MYH10: variants seen among roughly 807,000 people sequenced by gnomAD.
The protein encoded by MYH10 is myosin heavy chain 10.
Under a neutral mutation model 257.8 loss-of-function variants are expected in MYH10, and 55 were observed. The ratio of observed to expected loss-of-function variants is 0.21; its 90% confidence interval spans 0.17 to 0.27. The LOEUF (loss-of-function observed/expected upper bound fraction) is 0.27, where lower values mean the gene tolerates loss of function less well. Among genes scored for constraint, MYH10 ranks in the 10% least tolerant of loss-of-function variants. MYH10 has a pLI of 1.00. For missense variants in MYH10, 1,631 were observed against 2,500.6 expected (o/e 0.65, Z 7.42); for synonymous variants, 854 against 921.7 (o/e 0.93, Z 1.33).
At chr17:8,616,392 T>C (rs780116517) in intron 2 of MYH10, among the ~76,000 whole-genome samples, 12 of 152,018 alleles carry the variant, frequency 7.9e-5, no homozygotes, top group Admixed American at 2.0e-4. Flanking sequence ...TAATAACCAA[T>C]AAGTAAACTT....
chr17:8,488,818 C>G (rs1026359166), intron 35 of MYH10, among the ~76,000 whole-genome samples: 2 of 152,110 alleles, frequency 1.3e-5, no homozygotes, highest in African/African-American at 4.8e-5. Flanking sequence ...CTGCAGAGAC[C>G]TGGGGCTGTA....
At chr17:8,476,745 G>A in intron 42 of MYH10, 131 bp downstream of exon 42, 1 of 1,030,196 alleles carries the variant, frequency 9.7e-7, no homozygotes, top group Non-Finnish European at 1.4e-6. Context: ...AATCTTAAAT[G>A]AAGTGGTTCG....
intron 14 of MYH10, among the ~76,000 whole-genome samples, chr17:8,538,440 C>T (rs2082204508): frequency 6.6e-6 from 1 of 152,200 alleles, no homozygotes; most frequent in Admixed American, 6.5e-5. Context: ...GAACTCCTGA[C>T]CTCAAGTGAT....
Position 8,500,830 on chromosome 17 carries a change from T to C in MYH10, c.3740A>G (p.Lys1247Arg), listed in dbSNP as rs1475887003. Residue 1247 changes from lysine (K) to arginine (R), a missense_variant, in exon 29 of 43, where the codon AAG (lysine) becomes AGG (arginine). By Grantham distance (26) the Lys-to-Arg change is conservative. Around this residue, in one of 11 missense-constraint regions of MYH10, gnomAD observed 463 missense variants for 621.8 expected, o/e 0.74. Transcript: ENST00000360416. ...ACACGGCAGGGCCTCCCTTACCCGC[T>C]TGGCCTGTTCCAGCTGCTCTGAGAG... The part of the protein sequence containing the change: ...EELSEQLEQA[K>R]RFKANLEKNK... 7.4e-6 allele frequency: 12 copies of C among 1,612,762 alleles called. No homozygotes were observed. The highest frequency in any genetic ancestry group is 1.7e-5 in the Admixed American group (1 of 59,918).
At chr17:8,534,316 C>T (rs558443342) in intron 16 of MYH10, among the ~76,000 whole-genome samples, 34 of 152,314 alleles carry the variant, frequency 2.2e-4, no homozygotes, top group Middle Eastern at 3.4e-3. Flanking sequence ...AGGTCCCTCC[C>T]CTCTTTGCTA....
intron 40 of MYH10, among the ~76,000 whole-genome samples, chr17:8,478,845 C>T (rs1334950481): frequency 1.3e-5 from 2 of 152,170 alleles, no homozygotes; most frequent in Admixed American, 1.3e-4. Flanking sequence ...ATTCTCCTGC[C>T]TCAGCCTCCT....
intron 17 of MYH10, among the ~76,000 whole-genome samples, chr17:8,525,136 T>C (rs1267392922): frequency 2.0e-5 from 3 of 152,264 alleles, no homozygotes; most frequent in African/African-American, 7.2e-5. Flanking sequence ...TCTCTCTGCC[T>C]GGAATGCCCA....
rs1912894171 is a variant in MYH10 at position 8,477,619 on chromosome 17, C to G, written c.5707-571G>C. On this transcript the variant is annotated intron_variant, in intron 41 of 42. Transcript: ENST00000360416. This position sits in a 1 kb window ranked among gnomAD's most constrained non-coding sequence, Gnocchi z 4.2. ...CCAGCGCACACCACCCTCAACTGTG[C>G]TCCGTGTTGCTAGGCCCCAAGGGTG... is the stretch of plus-strand genomic sequence containing the variant. 6.6e-6 allele frequency among the ~76,000 whole-genome samples: 1 copy of G among 152,162 alleles called. No individual in the cohort carries two copies. The highest frequency in any genetic ancestry group is 1.5e-5 in the Non-Finnish European group (1 of 68,044).
At chr17:8,602,891 C>T (rs1388608801) in intron 3 of MYH10, among the ~76,000 whole-genome samples, 7 of 152,164 alleles carry the variant, frequency 4.6e-5, no homozygotes, top group African/African-American at 1.7e-4. Context: ...TTACCCAGTG[C>T]TTGACACACA....
At chr17:8,562,311 C>T (rs971162945) in intron 7 of MYH10, among the ~76,000 whole-genome samples, 1 of 151,884 alleles carries the variant, frequency 6.6e-6, no homozygotes, top group African/African-American at 2.4e-5. Flanking sequence ...GAGTGTTGGC[C>T]ACTTGGCCAG....
intron 1 of MYH10, among the ~76,000 whole-genome samples, chr17:8,627,906 A>G (rs977219092): frequency 2.0e-5 from 3 of 152,248 alleles, no homozygotes; most frequent in African/African-American, 7.2e-5. Flanking sequence ...GAGAAAGCCA[A>G]TAACCAGCCC....
At chr17:8,613,484 T>A (rs2085122707) in intron 2 of MYH10, among the ~76,000 whole-genome samples, 1 of 152,170 alleles carries the variant, frequency 6.6e-6, no homozygotes, top group Admixed American at 6.5e-5. Flanking sequence ...AGGCCCTACC[T>A]ATCATGATCT....
intron 2 of MYH10, among the ~76,000 whole-genome samples, chr17:8,619,582 C>T (rs556644730): frequency 1.3e-5 from 2 of 152,200 alleles, no homozygotes; most frequent in African/African-American, 4.8e-5. Context: ...CAACAAAAGA[C>T]ACAAAAGGCT....
At chr17:8,491,170 ACC>A (rs34517892) in intron 34 of MYH10, among the ~76,000 whole-genome samples, 141,917 of 152,140 alleles carry the variant, frequency 0.93, 67,008 homozygotes, top group East Asian at 1. Flanking sequence ...GCTGCTGTGC[ACC>A]CCCTCTGGGG....
intron 7 of MYH10, among the ~76,000 whole-genome samples, chr17:8,561,786 A>C (rs972605338): frequency 6.6e-6 from 1 of 152,156 alleles, no homozygotes; most frequent in Non-Finnish European, 1.5e-5. Context: ...TCAGTTCCCT[A>C]GCTTGGTGTC....
rs1213072106 is a variant in MYH10, at chr17:8,504,045, C to T, written c.3599+649G>A. Among the ~76,000 whole-genome samples the T allele has an allele frequency of 6.6e-6, 1 of 152,210 alleles. No individual in the cohort carries two copies. The highest frequency in any genetic ancestry group is 6.5e-5 in the Admixed American group (1 of 15,284). ...GCACCTCCAGGCCTGCGTACCGGCT[C>T]ACTGCTAAGGCTCTCCTGCGACTCG... On this transcript the variant is annotated intron_variant, in intron 28 of 42. Coordinates refer to ENST00000360416, the MANE Select transcript of MYH10 (RefSeq NM_001256012.3). This position sits in a 1 kb window ranked among gnomAD's most constrained non-coding sequence, Gnocchi z 5.6.
chr17:8,601,880 T>C (rs2084615254), intron 3 of MYH10, among the ~76,000 whole-genome samples: 1 of 152,192 alleles, frequency 6.6e-6, no homozygotes, highest in Admixed American at 6.5e-5. Flanking sequence ...ATATTTTTTA[T>C]TAATACACTT....
intron 2 of MYH10, among the ~76,000 whole-genome samples, chr17:8,617,962 C>G (rs895700095): frequency 6.6e-6 from 1 of 151,994 alleles, no homozygotes; most frequent in African/African-American, 2.4e-5. Context: ...ACATTTCTTA[C>G]GAAAAATAAC....
At chr17:8,482,839 G>C (rs1463878697) in intron 37 of MYH10, among the ~76,000 whole-genome samples, 1 of 152,238 alleles carries the variant, frequency 6.6e-6, no homozygotes, top group Non-Finnish European at 1.5e-5. Flanking sequence ...CTCTCTAGGA[G>C]GCAGGCTCCA....
Sources: allele counts gnomAD v4.1 joint callset (sites outside exome capture counted in the v4.1 genomes callset), GRCh38; gene constraint gnomAD v4.1.1; regional missense constraint gnomAD v4.1.1; non-coding constraint Gnocchi (gnomAD v3.1); transcripts MANE v1.5; gene names NCBI Gene and HGNC (gene_info 2026-07-23, HGNC 2026-07-21).